The following MTIF2 variants were observed in gnomAD, a reference collection of about 807,000 sequenced individuals.
MTIF2 encodes the protein translation initiation factor IF-2, mitochondrial.
Under a neutral mutation model 83.5 loss-of-function variants are expected in MTIF2, and 71 were observed. That is an observed-to-expected ratio of 0.85 (90% CI 0.70 to 1.04). The LOEUF (loss-of-function observed/expected upper bound fraction) is 1.04, where lower values mean the gene tolerates loss of function less well. Among genes scored for constraint, MTIF2 ranks in the 50% least tolerant of loss-of-function variants. The pLI is 0.00. For missense variants in MTIF2, 957 were observed against 846.5 expected (o/e 1.13, Z -1.62); for synonymous variants, 319 against 287.1 (o/e 1.11, Z -1.12).
At chr2:55,250,272 T>G (rs1054053444) in intron 8 of MTIF2, among the ~76,000 whole-genome samples, 10 of 152,094 alleles carry the variant, frequency 6.6e-5, no homozygotes, top group Non-Finnish European at 1.3e-4. Context: ...CTGTTTTATT[T>G]ATGTTTGGTT....
At chr2:55,254,291 C>T in intron 6 of MTIF2, 90 bp from the exon 7 acceptor site, 1 of 1,388,362 alleles carries the variant, frequency 7.2e-7, no homozygotes. Flanking sequence ...CTGTGAACTA[C>T]CATTAACAAT....
chr2:55,252,581 GCT>G lies in MTIF2; in HGVS notation c.735_736del (p.Arg245SerfsTer8). ...AATGTCAGTGACCTGAGCACCTCTGGCTCTCATTGCTGAGAAAGCAGCATGTC... is the reference window on the plus strand; with the variant it reads ...AATGTCAGTGACCTGAGCACCTCTGGCTCATTGCTGAGAAAGCAGCATGTC... On this transcript the variant is annotated frameshift_variant, in exon 8 of 16. Transcript: ENST00000263629. LOFTEE classifies it high-confidence loss of function. 2 of 1,614,036 alleles carry G rather than the reference GCT, an allele frequency of 1.2e-6. No individual in the cohort carries two copies. Among genetic ancestry groups the G allele is most frequent in the Non-Finnish European group, 1.7e-6 (2 of 1,179,934 alleles).
Position 55,242,988 on chromosome 2 carries a change from C to T in MTIF2, c.1657G>A (p.Val553Met), listed in dbSNP as rs992708634. ...ACATCATTTGCACTTACATCACCCACTCCAAAATGTACTAATTCTAGTTCA... is the reference window on the plus strand; with the variant it reads ...ACATCATTTGCACTTACATCACCCATTCCAAAATGTACTAATTCTAGTTCA... Reference protein sequence around the residue: ...ECELELVHFGVGDVSANDVNL... With the variant: ...ECELELVHFGMGDVSANDVNL... The change falls in exon 13 of 16, where the codon GTG becomes ATG. Residue 553 changes from valine to methionine, a missense_variant. Around this residue, in one of 3 missense-constraint regions of MTIF2, gnomAD observed 733 missense variants for 648.7 expected, o/e 1.13. Coordinates refer to ENST00000263629, the MANE Select transcript of MTIF2 (RefSeq NM_002453.3). The T allele has an allele frequency of 2.7e-5, 44 of 1,612,700 alleles. No individual in the cohort carries two copies. Among genetic ancestry groups the T allele is most frequent in the Non-Finnish European group, 3.6e-5 (43 of 1,179,338 alleles).
At position 55,236,734 on chromosome 2, in the gene MTIF2, T is replaced by C. The variant is rs747756246; in HGVS notation, c.2098A>G (p.Asn700Asp). 1 of 1,611,902 alleles carries C rather than the reference T, an allele frequency of 6.2e-7. No homozygotes were observed. Among genetic ancestry groups the C allele is most frequent in the South Asian group, 1.1e-5 (1 of 90,410 alleles). ...MDCGLSLDEDNMEFQVGDRIV... is the reference protein window; with the variant it reads ...MDCGLSLDEDDMEFQVGDRIV... ...CTGTCTCCCACTTGAAATTCCATAT[T>C]GTCTTCATCTAAACTGAGACCACAA... is the stretch of plus-strand genomic sequence containing the variant. The change falls in exon 16 of 16, where the codon AAT becomes GAT. Residue 700 changes from asparagine to aspartate, a missense_variant. Asn to Asp is a conservative substitution (Grantham distance 23). Transcript: ENST00000263629.
In MTIF2 at chr2:55,252,570, G is replaced by T. The variant is rs752708031; in HGVS notation, c.748C>A (p.Gln250Lys). 13 of 1,614,088 alleles carry T rather than the reference G, an allele frequency of 8.1e-6. No homozygotes were observed. The highest frequency in any genetic ancestry group is 1.1e-5 in the Non-Finnish European group (13 of 1,179,964). Reference protein sequence around the residue: ...AFSAMRARGAQVTDIVVLVVA... With the variant: ...AFSAMRARGAKVTDIVVLVVA... Reference sequence around the variant, plus strand: ...ACCAATACGACAATGTCAGTGACCTGAGCACCTCTGGCTCTCATTGCTGAG... The same window carrying T: ...ACCAATACGACAATGTCAGTGACCTTAGCACCTCTGGCTCTCATTGCTGAG... Residue 250 changes from glutamine (Q) to lysine (K), a missense_variant, in exon 8 of 16, where the codon CAG becomes AAG. By Grantham distance (53) the Gln-to-Lys change is moderately conservative. Around this residue, in one of 3 missense-constraint regions of MTIF2, gnomAD observed 733 missense variants for 648.7 expected, o/e 1.13. Transcript: ENST00000263629.
At chr2:55,247,593 C>T (rs571728132) in intron 9 of MTIF2, among the ~76,000 whole-genome samples, 8 of 152,182 alleles carry the variant, frequency 5.3e-5, no homozygotes, top group African/African-American at 1.9e-4. Flanking sequence ...TAAAACAAAA[C>T]AAAACAAAAC....
rs1414067993 is a variant in MTIF2, at chr2:55,269,175, C to T, written c.-243G>A. 1.3e-5 allele frequency: 2 copies of T among 152,398 alleles called. No homozygotes were observed. Among genetic ancestry groups the T allele is most frequent in the African/African-American group, 4.8e-5 (2 of 41,468 alleles). The allele number at this position is 152,398 out of a possible 1,614,324, so 9.4% of individuals were successfully genotyped here. A position where few individuals can be genotyped will look rare whatever the true frequency, so the allele number is the denominator to read the frequency against. On this transcript the variant is annotated 5_prime_UTR_variant, in exon 1 of 16. Coordinates refer to ENST00000263629, the MANE Select transcript of MTIF2 (RefSeq NM_002453.3). ...CTACCCACTTAACTCCTACCTACAG[C>T]CCCGGGCCCCTGGATTCTGAGCACG...
At chr2:55,266,516 ACT>A (rs1212672116) in intron 3 of MTIF2, 1 of 127,790 alleles carries the variant, frequency 7.8e-6, no homozygotes, top group East Asian at 2.2e-4. Context: ...ACAGAGCGAG[ACT>A]CTGTCTCAAA....
rs2230370 is a variant in MTIF2, at chr2:55,254,186, T to A, written c.519A>T (p.Pro173=). Residue 173 remains proline, a synonymous_variant, in exon 7 of 16, where the codon CCA becomes CCT. Transcript: ENST00000263629. The part of the protein sequence containing the change: ...KDAVRRPQAD[P]ALLTPRSPVV... The stretch of plus-strand genomic sequence containing the variant: ...CTGGGGACCTTGGGGTTAATAAAGC[T>A]GGATCTGCCTGGGGCCTACAATTAA... 125,385 of 1,613,666 alleles carry A rather than the reference T, an allele frequency of 0.078. 5,815 individuals are homozygous for A. Among genetic ancestry groups the A allele is most frequent in the Admixed American group, 0.17 (10,023 of 59,920 alleles).
intron 14 of MTIF2, among the ~76,000 whole-genome samples, chr2:55,239,099 T>G (rs931662542): frequency 6.6e-6 from 1 of 152,172 alleles, no homozygotes; most frequent in South Asian, 2.1e-4. Flanking sequence ...GCTAGAGAGA[T>G]ATGACAACAT....
At chr2:55,244,585 A>T (rs897997857) in intron 10 of MTIF2, among the ~76,000 whole-genome samples, 5 of 152,212 alleles carry the variant, frequency 3.3e-5, no homozygotes, top group Non-Finnish European at 7.3e-5. Flanking sequence ...GAAAATGTGG[A>T]TTTTACATAC....
At chr2:55,236,848 T>C (rs1675861362) in intron 15 of MTIF2, 28 bp from the exon 16 acceptor site, 1 of 1,509,494 alleles carries the variant, frequency 6.6e-7, no homozygotes, top group Admixed American at 2.3e-5. Context: ...AAGGTTAGTA[T>C]ATTCAATAAA....
intron 13 of MTIF2, among the ~76,000 whole-genome samples, chr2:55,240,425 A>G (rs924702539): frequency 3.9e-5 from 6 of 152,208 alleles, no homozygotes; most frequent in Admixed American, 2.0e-4. Flanking sequence ...TACTAAAAAT[A>G]CAAAATTAGC....
chr2:55,242,862 CAA>C, intron 13 of MTIF2, 76 bp downstream of exon 13: 2 of 1,453,784 alleles, frequency 1.4e-6, no homozygotes, highest in Non-Finnish European at 9.3e-7. Context: ...TGTGACAAGC[CAA>C]GCAACAAAAG....
rs1159819850 is a variant in MTIF2 at position 55,263,737 on chromosome 2, T to A, written c.122A>T (p.Tyr41Phe). The A allele has an allele frequency of 2.5e-6, 4 of 1,614,048 alleles. No individual in the cohort carries two copies. The highest frequency in any genetic ancestry group is 2.7e-5 in the African/African-American group (2 of 74,918). ...RQWRHGFSSA[Y>F]PVWTAQLCAW... ...ACACAGTTGAGCTGTCCACACAGGG[T>A]AAGCAGATGAAAACCCATGCCTCCA... The change falls in exon 4 of 16, where the codon TAC becomes TTC. Residue 41 changes from tyrosine (Y) to phenylalanine (F), a missense_variant. Tyr to Phe is a conservative substitution (Grantham distance 22). Coordinates refer to ENST00000263629, the MANE Select transcript of MTIF2 (RefSeq NM_002453.3).
intron 10 of MTIF2, among the ~76,000 whole-genome samples, chr2:55,245,077 AT>A (rs1445236028): frequency 2.0e-5 from 3 of 152,134 alleles, no homozygotes; most frequent in Admixed American, 2.0e-4. Flanking sequence ...ATAAATAAAT[AT>A]TAAATTGTTT....
chr2:55,252,437 G>T, intron 8 of MTIF2, 40 bp downstream of exon 8: 2 of 1,583,490 alleles, frequency 1.3e-6, no homozygotes, highest in South Asian at 1.1e-5. Flanking sequence ...CCAGAACTTT[G>T]ACTTTATGTA....
chr2:55,243,740 T>C (rs1282666417), intron 11 of MTIF2, 72 bp from the exon 12 acceptor site: 1 of 1,482,126 alleles, frequency 6.7e-7, no homozygotes, highest in East Asian at 2.3e-5. Flanking sequence ...CTTTGTGTTG[T>C]CCTGCATTAG....
At chr2:55,238,664 T>G (rs1275327894) in intron 14 of MTIF2, among the ~76,000 whole-genome samples, 2 of 152,184 alleles carry the variant, frequency 1.3e-5, no homozygotes, top group Non-Finnish European at 2.9e-5. Flanking sequence ...GTGCTGGGAT[T>G]ACAGGCATGA....
Sources: gnomAD v4.1 joint callset for allele counts (sites outside exome capture counted in the v4.1 genomes callset) on GRCh38, gnomAD v4.1.1 for gene constraint, gnomAD v4.1.1 regional missense constraint, MANE v1.5 for transcripts, NCBI Gene and HGNC (gene_info 2026-07-23, HGNC 2026-07-21) for gene names.